IDS: variants seen among roughly 807,000 people sequenced by gnomAD.
IDS encodes the protein iduronate 2-sulfatase, also known as alpha-L-iduronate sulfate sulfatase.
IDS carries 1 observed loss-of-function variant against 33.5 expected under a neutral mutation model. The observed-to-expected ratio is 0.03, with a 90% CI of 0.01 to 0.14. The LOEUF is 0.14. IDS is among the 10% of genes least tolerant of loss of function. IDS has a pLI of 1.00. For synonymous variants in IDS, 191 were observed against 184.4 expected (o/e 1.04, Z -0.29); for missense variants, 328 against 448.0 (o/e 0.73, Z 2.42).
intron 5 of IDS, among the ~76,000 whole-genome samples, chrX:149,497,839 A>C (rs2089447990): frequency 8.9e-6 from 1 of 112,210 alleles, no homozygotes; most frequent in African/African-American, 3.2e-5. Flanking sequence ...CATCCAACCC[A>C]ACATCTGCTC....
intron 1 of IDS, 145 bp from the exon 2 acceptor site, chrX:149,504,438 G>T: frequency 1.6e-6 from 1 of 619,037 alleles, no homozygotes; most frequent in East Asian, 3.8e-5. Context: ...CCTCAGCAAG[G>T]GTGGGAGTGG....
At position 149,504,226 on chromosome X, in the gene IDS, C is replaced by G; in HGVS notation, c.171G>C (p.Lys57Asn). ...LRPSLGCYGD[K>N]LVRSPNIDQL... ...GGTCAATATTTGGGGACCTCACCAG[C>G]TTATCCCCATAACAGCCCAGGGAGG... Residue 57 changes from lysine to asparagine, a missense_variant, in exon 2 of 9, where the codon AAG (lysine) becomes AAC (asparagine). Around this residue, in one of 4 missense-constraint regions of IDS, gnomAD observed 15 missense variants for 31.3 expected, o/e 0.48. Coordinates refer to ENST00000340855, the MANE Select transcript of IDS (RefSeq NM_000202.8). 1 of 1,208,018 alleles carries G rather than the reference C, an allele frequency of 8.3e-7. No individual in the cohort carries two copies. The highest frequency in any genetic ancestry group is 1.1e-6 in the Non-Finnish European group (1 of 892,569).
intron 7 of IDS, among the ~76,000 whole-genome samples, chrX:149,488,638 G>C (rs2089361881): frequency 9.2e-6 from 1 of 108,731 alleles, no homozygotes; most frequent in Non-Finnish European, 1.9e-5. Flanking sequence ...CACAGGGTCT[G>C]ACACATGGCA....
intron 8 of IDS, 89 bp from the exon 9 acceptor site, chrX:149,483,307 C>T (rs1193946642): frequency 3.1e-5 from 21 of 667,032 alleles, no homozygotes; most frequent in Non-Finnish European, 4.9e-5. Context: ...TGTCTGGGCT[C>T]CATATGTTTT....
At chrX:149,498,744 AC>A (rs1346962645) in intron 4 of IDS, among the ~76,000 whole-genome samples, 4 of 112,432 alleles carry the variant, frequency 3.6e-5, no homozygotes, top group African/African-American at 1.3e-4. Flanking sequence ...ACCACTTCAC[AC>A]CCAAAAGGAT....
chrX:149,497,964 C>G, intron 5 of IDS, 143 bp downstream of exon 5: 1 of 496,425 alleles, frequency 2.0e-6, no homozygotes, highest in Non-Finnish European at 3.6e-6. Context: ...CATCTTTACT[C>G]CACTGAGGAC....
intron 2 of IDS, among the ~76,000 whole-genome samples, chrX:149,503,784 G>T (rs1391895170): frequency 8.9e-6 from 1 of 112,280 alleles, no homozygotes; most frequent in African/African-American, 3.2e-5. Context: ...CCATGAGGGG[G>T]TTCAGGGAGC....
intron 7 of IDS, chrX:149,487,435 C>A: frequency 1.9e-6 from 1 of 532,312 alleles, no homozygotes; most frequent in Admixed American, 2.8e-5. Context: ...CCTGCTAAGA[C>A]ATGCTCATTC....
chrX:149,491,281 G>A (rs782282957), intron 6 of IDS, among the ~76,000 whole-genome samples: 11 of 112,187 alleles, frequency 9.8e-5, no homozygotes, highest in East Asian at 8.4e-4. Context: ...AGAGCAGCAC[G>A]TCCTTCACAG....
chrX:149,492,433 G>A (rs782226126), intron 6 of IDS, among the ~76,000 whole-genome samples: 16 of 111,535 alleles, frequency 1.4e-4, no homozygotes, highest in Middle Eastern at 4.6e-3. Context: ...TGCAGGGCAC[G>A]GAACAGTGTG....
chrX:149,499,938 C>A (rs916168780), intron 4 of IDS, among the ~76,000 whole-genome samples: 2 of 111,037 alleles, frequency 1.8e-5, no homozygotes, highest in Non-Finnish European at 3.8e-5. Context: ...ATTTGTATAC[C>A]ACAAAGACCG....
chrX:149,484,359 C>T (rs896620445), intron 8 of IDS, among the ~76,000 whole-genome samples: 3 of 112,473 alleles, frequency 2.7e-5, no homozygotes, highest in Admixed American at 9.4e-5. Context: ...GCCCTGTCTC[C>T]AGGATGGAGT....
intron 7 of IDS, among the ~76,000 whole-genome samples, chrX:149,487,495 T>G (rs782620991): frequency 1.8e-5 from 2 of 112,123 alleles, no homozygotes; most frequent in Non-Finnish European, 3.8e-5. Flanking sequence ...TGCCCTGTCC[T>G]GTGCCTACCT....
At chrX:149,504,518 G>C (rs1331903370) in intron 1 of IDS, among the ~76,000 whole-genome samples, 1 of 111,453 alleles carries the variant, frequency 9.0e-6, no homozygotes, top group Non-Finnish European at 1.9e-5. Context: ...ACCTGGGTGA[G>C]GAAGCGAGAT....
rs1187196589 is a variant in IDS, at chrX:149,504,954, CAAAGAAGGAAGG to C, written c.103+69_103+80del. ...GAAGGGTAAAAAGAATGGATATAAA[CAAAGAAGGAAGG>C]AAAGAAGGAAGGAGGAAGGAAGGGA... On this transcript the variant is annotated intron_variant, in intron 1 of 8. Coordinates refer to ENST00000340855, the MANE Select transcript of IDS (RefSeq NM_000202.8). 87 of 734,795 alleles carry C rather than the reference CAAAGAAGGAAGG, an allele frequency of 1.2e-4. 1 individual carries two copies. The Middle Eastern group carries it at 2.7e-3, about 23-fold the overall frequency. 60.6% of individuals were successfully genotyped at this position (734,795 alleles called of 1,213,427 possible). A position where few individuals can be genotyped will look rare whatever the true frequency, so the allele number is the denominator to read the frequency against.
At chrX:149,496,258 G>A in intron 6 of IDS, 88 bp downstream of exon 6, 1 of 867,371 alleles carries the variant, frequency 1.2e-6, no homozygotes. Flanking sequence ...GACATTATAG[G>A]TGGAGTTGTG....
chrX:149,483,268 C>T, intron 8 of IDS, 50 bp from the exon 9 acceptor site: 1 of 998,485 alleles, frequency 1.0e-6, no homozygotes, highest in Non-Finnish European at 1.4e-6. Context: ...AAAAGCCTGC[C>T]ATGGCCAGGC....
chrX:149,502,806 T>C (rs2089491030), intron 3 of IDS: 2 of 195,788 alleles, frequency 1.0e-5, no homozygotes, highest in South Asian at 1.0e-4. Context: ...TGGGACCCTA[T>C]AGATCCTGGG....
chrX:149,489,278 G>A (rs1557338489), intron 7 of IDS, among the ~76,000 whole-genome samples: 1 of 112,687 alleles, frequency 8.9e-6, no homozygotes, highest in Non-Finnish European at 1.9e-5. Context: ...GATTGCCTAT[G>A]ACATTAAGTG....
Sources: gnomAD v4.1 joint callset for allele counts (sites outside exome capture counted in the v4.1 genomes callset) on GRCh38, gnomAD v4.1.1 for gene constraint, gnomAD v4.1.1 regional missense constraint, MANE v1.5 for transcripts, NCBI Gene and HGNC (gene_info 2026-07-23, HGNC 2026-07-21) for gene names.